STARD13: variants seen among roughly 807,000 people sequenced by gnomAD.
STARD13 encodes StAR related lipid transfer domain containing 13.
In STARD13, 62 loss-of-function variants were observed where a neutral mutation model predicts 106.4. That is an observed-to-expected ratio of 0.58 (90% confidence interval 0.48 to 0.72). STARD13 has a LOEUF of 0.72. Ranked by LOEUF, STARD13 falls within the 30% of genes least tolerant of loss-of-function variation. The pLI is 0.00. For synonymous variants in STARD13, 565 were observed against 553.0 expected, an observed-to-expected ratio of 1.02 and a Z score of -0.31; for missense variants, 1,387 against 1,424.0, an observed-to-expected ratio of 0.97 and a Z score of 0.42.
the STARD13 span, among the ~76,000 whole-genome samples, chr13:33,407,738 T>C: frequency 6.6e-6 from 1 of 152,208 alleles, no homozygotes; most frequent in African/African-American, 2.4e-5. Flanking sequence ...TTAGAAAAGC[T>C]TGGCCTGGGA....
the STARD13 span, among the ~76,000 whole-genome samples, chr13:33,543,128 C>T: frequency 6.6e-6 from 1 of 152,186 alleles, no homozygotes; most frequent in Non-Finnish European, 1.5e-5. Context: ...GTTGCTGGGT[C>T]ATTCTCAGTC....
intron 1 of STARD13, among the ~76,000 whole-genome samples, chr13:33,174,357 CT>C: frequency 6.6e-6 from 1 of 152,200 alleles, no homozygotes; most frequent in South Asian, 2.1e-4. Flanking sequence ...CCCTTTCCAG[CT>C]GCCATGTGCA....
chr13:33,354,234 A>G (rs1470388518), upstream of STARD13, among the ~76,000 whole-genome samples: 1 of 152,162 alleles, frequency 6.6e-6, no homozygotes, highest in Non-Finnish European at 1.5e-5. Flanking sequence ...TCAGCATAAA[A>G]AGAGTCCCAT....
At chr13:33,389,990 G>A in the STARD13 span, among the ~76,000 whole-genome samples, 4 of 152,094 alleles carry the variant, frequency 2.6e-5, no homozygotes, top group African/African-American at 9.7e-5. Context: ...AAATGAGAAT[G>A]ATCCACCCTT....
the STARD13 span, among the ~76,000 whole-genome samples, chr13:33,579,095 AT>A: frequency 7.9e-5 from 12 of 152,086 alleles, no homozygotes; most frequent in African/African-American, 2.9e-4. Flanking sequence ...TAGTATGGAG[AT>A]TTCTCAAACA....
At chr13:33,165,315 A>G in intron 3 of STARD13, 22 bp downstream of exon 3, 1 of 1,590,314 alleles carries the variant, frequency 6.3e-7, no homozygotes, top group Non-Finnish European at 8.6e-7. Flanking sequence ...GGAAAGAAAC[A>G]AAAATACTTC....
intron 1 of STARD13, chr13:33,272,619 T>A (rs1364800819): frequency 6.6e-6 from 1 of 152,184 alleles, no homozygotes; most frequent in South Asian, 2.1e-4. Context: ...GAGGCATGGC[T>A]TGCCTGGGCC....
the STARD13 span, among the ~76,000 whole-genome samples, chr13:33,427,332 A>T: frequency 6.6e-6 from 1 of 152,212 alleles, no homozygotes; most frequent in Admixed American, 6.5e-5. Flanking sequence ...GTTTTGTATT[A>T]ACAAATATAA....
At chr13:33,177,521 G>T (rs997191906) in intron 1 of STARD13, among the ~76,000 whole-genome samples, 1 of 152,144 alleles carries the variant, frequency 6.6e-6, no homozygotes, top group East Asian at 1.9e-4. Context: ...ATCCGTCAAA[G>T]TCAACTCAAG....
intron 11 of STARD13, among the ~76,000 whole-genome samples, chr13:33,110,469 A>G (rs1874370430): frequency 6.6e-6 from 1 of 152,118 alleles, no homozygotes; most frequent in Non-Finnish European, 1.5e-5. Flanking sequence ...TACGGGGGAG[A>G]GACAGGACCG....
the STARD13 span, among the ~76,000 whole-genome samples, chr13:33,661,612 C>G: frequency 2.6e-5 from 4 of 152,236 alleles, no homozygotes; most frequent in South Asian, 8.3e-4. Context: ...CACAGGGTGG[C>G]AAGAGAGAGA....
intron 1 of STARD13, among the ~76,000 whole-genome samples, chr13:33,262,689 A>C (rs895603486): frequency 1.0e-4 from 14 of 133,976 alleles, no homozygotes; most frequent in South Asian, 2.6e-4. Context: ...ACACACACAC[A>C]CCCTGTACTC....
At chr13:33,574,471 C>T in the STARD13 span, among the ~76,000 whole-genome samples, 4 of 152,176 alleles carry the variant, frequency 2.6e-5, no homozygotes, top group Admixed American at 6.5e-5. Flanking sequence ...AGGTCAGGCT[C>T]ATGCCTGTAA....
chr13:33,343,540 C>T (rs368386484), intron 1 of STARD13, among the ~76,000 whole-genome samples: 23 of 125,752 alleles, frequency 1.8e-4, no homozygotes, highest in African/African-American at 4.6e-4. Context: ...ATTCCATCAC[C>T]GTACTCCAGA....
At chr13:33,185,766 C>T in intron 1 of STARD13, 1 of 1,001,766 alleles carries the variant, frequency 1.0e-6, no homozygotes, top group Non-Finnish European at 1.5e-6. Context: ...TATCTTTCCG[C>T]CATGTCCTTC....
At chr13:33,161,580 G>A (rs1404080745) in intron 3 of STARD13, among the ~76,000 whole-genome samples, 1 of 152,162 alleles carries the variant, frequency 6.6e-6, no homozygotes, top group Non-Finnish European at 1.5e-5. Flanking sequence ...CTCCCAAAGT[G>A]CTGGGATTAC....
intron 1 of STARD13, among the ~76,000 whole-genome samples, chr13:33,191,772 T>C (rs1594081524): frequency 1.3e-5 from 2 of 152,330 alleles, no homozygotes; most frequent in Admixed American, 6.5e-5. Flanking sequence ...CCTCAACTGA[T>C]TGTTCATTTT....
the STARD13 span, among the ~76,000 whole-genome samples, chr13:33,601,896 G>A: frequency 1.1e-4 from 16 of 152,182 alleles, no homozygotes; most frequent in African/African-American, 3.1e-4. Flanking sequence ...GCGATCTCTA[G>A]TTAACTACTG....
chr13:33,388,954 C>CT, the STARD13 span, among the ~76,000 whole-genome samples: 20,381 of 128,362 alleles, frequency 0.16, 2,038 homozygotes, highest in East Asian at 0.27. Context: ...AGGGGTCCTT[C>CT]TTTTTTTTTT....
Sources: allele counts gnomAD v4.1 joint callset (sites outside exome capture counted in the v4.1 genomes callset), GRCh38; gene constraint gnomAD v4.1.1; transcripts MANE v1.5; gene names NCBI Gene and HGNC (gene_info 2026-07-23, HGNC 2026-07-21).